CALCR: variants seen among roughly 807,000 people sequenced by gnomAD.
CALCR encodes the protein calcitonin receptor.
A neutral mutation model predicts 59.5 loss-of-function variants in CALCR; 47 were observed. That is an observed-to-expected ratio of 0.79 (90% CI 0.63 to 1.01). The LOEUF (loss-of-function observed/expected upper bound fraction) is 1.01. Among genes scored for constraint, CALCR ranks in the 50% least tolerant of loss-of-function variants. CALCR has a pLI of 0.00. For missense variants in CALCR, 566 were observed against 597.1 expected, an observed-to-expected ratio of 0.95 and a Z score of 0.54; for synonymous variants, 213 against 211.3, an observed-to-expected ratio of 1.01 and a Z score of -0.07.
chr7:93,548,265 A>C (rs916581092), intron 2 of CALCR, among the ~76,000 whole-genome samples: 2 of 152,192 alleles, frequency 1.3e-5, no homozygotes, highest in South Asian at 4.1e-4. Context: ...TTTTGGGGAT[A>C]TAAAGAACCT....
In CALCR at chr7:93,487,574, GCT is replaced by G. The variant is rs1800972846; in HGVS notation, c.-26-569_-26-568del. On this transcript the variant is annotated intron_variant, in intron 2 of 13. Coordinates refer to ENST00000426151, the MANE Select transcript of CALCR (RefSeq NM_001742.4). The stretch of plus-strand genomic sequence containing the variant: ...CAATGATTGAGCATGTCATTTAACA[GCT>G]CACCATTCATACTGAAGAGCATAAT... Among the ~76,000 whole-genome samples, 6 of 151,572 alleles carry G rather than the reference GCT, an allele frequency of 4.0e-5. No individual in the cohort carries two copies. The South Asian group carries it at 1.2e-3, about 31-fold the overall frequency.
chr7:93,547,603 C>A (rs1294201407), intron 2 of CALCR, among the ~76,000 whole-genome samples: 1 of 152,154 alleles, frequency 6.6e-6, no homozygotes, highest in East Asian at 1.9e-4. Flanking sequence ...TATGGGTGAT[C>A]TACTAGAAGT....
chr7:93,478,525 C>CA (rs1232901101), intron 4 of CALCR, among the ~76,000 whole-genome samples: 1 of 151,356 alleles, frequency 6.6e-6, no homozygotes, highest in Non-Finnish European at 1.5e-5. Flanking sequence ...CCCATCTCTA[C>CA]AAAAAAATAC....
At chr7:93,537,102 T>C (rs1357835358) in intron 2 of CALCR, among the ~76,000 whole-genome samples, 1 of 151,636 alleles carries the variant, frequency 6.6e-6, no homozygotes, top group Non-Finnish European at 1.5e-5. Flanking sequence ...TGAAATTCTA[T>C]GAAAACAAAA....
intron 3 of CALCR, among the ~76,000 whole-genome samples, chr7:93,484,756 T>C (rs549823860): frequency 6.6e-6 from 1 of 151,886 alleles, no homozygotes; most frequent in South Asian, 2.1e-4. Context: ...ACACCTGCTC[T>C]GAAGAACCTA....
intron 5 of CALCR, among the ~76,000 whole-genome samples, chr7:93,473,973 G>T (rs1228080931): frequency 2.0e-5 from 3 of 151,554 alleles, no homozygotes. Flanking sequence ...AAGTTCTCAT[G>T]GGGATGACTC....
intron 8 of CALCR, among the ~76,000 whole-genome samples, chr7:93,454,029 A>G (rs1800159931): frequency 2.6e-5 from 4 of 151,970 alleles, no homozygotes; most frequent in Admixed American, 2.0e-4. Context: ...TTCGTTCCCA[A>G]TCTAGTTTTT....
At chr7:93,496,746 T>C (rs1801212992) in intron 2 of CALCR, among the ~76,000 whole-genome samples, 1 of 151,628 alleles carries the variant, frequency 6.6e-6, no homozygotes, top group African/African-American at 2.4e-5. Flanking sequence ...CTATGAGCTG[T>C]TGTCACCCAA....
rs371714685 is a variant in CALCR, at chr7:93,444,633, C to T, written c.649-876G>A. On this transcript the variant is annotated intron_variant, in intron 8 of 13. Transcript: ENST00000426151. The stretch of plus-strand genomic sequence containing the variant: ...ACACACTCTTGACAATCAAAAATGT[C>T]TCCAGATGTTGCCCAGTCTTCCCTG... Among the ~76,000 whole-genome samples, 354 of 152,124 alleles carry T rather than the reference C, an allele frequency of 2.3e-3. 2 individuals are homozygous for T. Among genetic ancestry groups the T allele is most frequent in the South Asian group, 7.5e-3 (36 of 4,820 alleles).
intron 8 of CALCR, among the ~76,000 whole-genome samples, chr7:93,449,235 G>T (rs1800062016): frequency 6.6e-6 from 1 of 151,930 alleles, no homozygotes; most frequent in African/African-American, 2.4e-5. Flanking sequence ...TTATCAGTTT[G>T]CTTTAGCACA....
intron 4 of CALCR, among the ~76,000 whole-genome samples, chr7:93,477,970 A>ATAAAAAT (rs1800703950): frequency 1.6e-4 from 6 of 37,512 alleles, no homozygotes; most frequent in Admixed American, 1.0e-3. Context: ...TCAAAAAAAA[A>ATAAAAAT]AAAAAAAAAA....
rs1790076817 is a variant in CALCR, at chr7:93,574,474, G to GCAGCC, written c.-217_-213dup. On this transcript the variant is annotated 5_prime_UTR_variant, in exon 2 of 14. Transcript: ENST00000426151. ...CGGGAAGGTCCGCCAGCCGCGCGGC[G>GCAGCC]CAGCCCACCCAGACGCTGGTGGGCT... 6.6e-6 allele frequency: 1 copy of GCAGCC among 152,190 alleles called. No homozygotes were observed. Among genetic ancestry groups the GCAGCC allele is most frequent in the Non-Finnish European group, 1.5e-5 (1 of 68,062 alleles). 9.4% of individuals were successfully genotyped at this position (152,190 alleles called of 1,614,324 possible).
chr7:93,501,825 T>C (rs987529178), intron 2 of CALCR, among the ~76,000 whole-genome samples: 1 of 152,118 alleles, frequency 6.6e-6, no homozygotes, highest in Non-Finnish European at 1.5e-5. Flanking sequence ...AAAGGAACCC[T>C]GACTAACAAT....
At chr7:93,445,160 T>C (rs1024270009) in intron 8 of CALCR, among the ~76,000 whole-genome samples, 12 of 152,094 alleles carry the variant, frequency 7.9e-5, no homozygotes, top group African/African-American at 2.9e-4. Flanking sequence ...CCAGGTAATC[T>C]AAAAGTAATT....
chr7:93,466,244 T>C (rs1490150157), intron 7 of CALCR, among the ~76,000 whole-genome samples: 3 of 151,884 alleles, frequency 2.0e-5, no homozygotes, highest in Admixed American at 2.0e-4. Flanking sequence ...TATTGTAATG[T>C]GCAGTAAAGA....
intron 6 of CALCR, among the ~76,000 whole-genome samples, chr7:93,471,086 C>T (rs1299705072): frequency 1.3e-5 from 2 of 151,724 alleles, no homozygotes; most frequent in African/African-American, 4.8e-5. Context: ...AATCATTATA[C>T]TAAGTGCCTA....
At chr7:93,441,819 G>C (rs1431052349) in intron 9 of CALCR, among the ~76,000 whole-genome samples, 1 of 152,072 alleles carries the variant, frequency 6.6e-6, no homozygotes, top group African/African-American at 2.4e-5. Context: ...TTGCTGGAGG[G>C]TTCACAATCA....
intron 2 of CALCR, among the ~76,000 whole-genome samples, chr7:93,569,078 T>TG (rs1789939292): frequency 3.1e-5 from 1 of 32,138 alleles, no homozygotes; most frequent in Admixed American, 2.0e-4. Flanking sequence ...AATAATTTCG[T>TG]TTTTTTTTCT....
intron 3 of CALCR, chr7:93,482,739 T>C (rs368245573): frequency 1.9e-6 from 1 of 532,152 alleles, no homozygotes. Flanking sequence ...CGAGTAGTTA[T>C]AATTCATGCT....
Sources: allele counts gnomAD v4.1 joint callset (sites outside exome capture counted in the v4.1 genomes callset), GRCh38; gene constraint gnomAD v4.1.1; transcripts MANE v1.5; gene names NCBI Gene and HGNC (gene_info 2026-07-23, HGNC 2026-07-21).